Variants in RNF128 observed in about 807,000 individuals in gnomAD.
RNF128 encodes the protein E3 ubiquitin-protein ligase RNF128.
A neutral mutation model predicts 26.2 loss-of-function variants in RNF128; 13 were observed. That is an observed-to-expected ratio of 0.50 (90% CI 0.32 to 0.79). The LOEUF (loss-of-function observed/expected upper bound fraction) is 0.79, where lower values mean the gene tolerates loss of function less well. Ranked by LOEUF, RNF128 falls within the 30% of genes least tolerant of loss-of-function variation. The pLI is 0.03. For missense variants in RNF128, 315 were observed against 349.7 expected (o/e 0.90, Z 0.79); for synonymous variants, 149 against 142.5 (o/e 1.05, Z -0.32).
At chrX:106,696,180 C>T (rs181543033) in intron 1 of RNF128, among the ~76,000 whole-genome samples, 324 of 111,736 alleles carry the variant, frequency 2.9e-3, no homozygotes, top group African/African-American at 0.01. Context: ...ATGATCATAA[C>T]TGTGATAGTT....
intron 1 of RNF128, among the ~76,000 whole-genome samples, chrX:106,714,127 G>T (rs1288914580): frequency 9.5e-6 from 1 of 105,453 alleles, no homozygotes; most frequent in Non-Finnish European, 2.0e-5. Context: ...GCAGTGAGCC[G>T]AGATGGCATC....
intron 1 of RNF128, among the ~76,000 whole-genome samples, chrX:106,712,236 C>T (rs758590783): frequency 8.9e-6 from 1 of 112,157 alleles, no homozygotes; most frequent in Admixed American, 9.4e-5. Context: ...TTATCTGCTC[C>T]TTTGTATCAT....
At chrX:106,745,984 A>G (rs1321765256) in intron 1 of RNF128, among the ~76,000 whole-genome samples, 1 of 111,532 alleles carries the variant, frequency 9.0e-6, no homozygotes, top group Non-Finnish European at 1.9e-5. Context: ...GCTACTGTGG[A>G]CAAAATGAAT....
chrX:106,730,552 C>T (rs1044066354), intron 1 of RNF128, among the ~76,000 whole-genome samples: 2 of 112,146 alleles, frequency 1.8e-5, no homozygotes, highest in East Asian at 2.8e-4. Context: ...TAAGCATGTT[C>T]TCACTATTGC....
chrX:106,789,078 A>G (rs1930756447), intron 4 of RNF128, among the ~76,000 whole-genome samples: 1 of 85,615 alleles, frequency 1.2e-5, no homozygotes, highest in Non-Finnish European at 2.2e-5. Context: ...GTGTATATAT[A>G]CTATATAGTA....
In RNF128 at chrX:106,741,217, C is replaced by G. The variant is rs1159432374; in HGVS notation, c.484+13820C>G. 9.0e-5 allele frequency among the ~76,000 whole-genome samples: 10 copies of G among 111,525 alleles called. No homozygotes were observed. In the Admixed American group the frequency reaches 9.6e-4, roughly 11 times the overall value. On this transcript the variant is annotated intron_variant, in intron 1 of 6. Coordinates refer to ENST00000255499, the MANE Select transcript of RNF128 (RefSeq NM_194463.2). ...CAATAGCATATCTTATTTTTTTCCT[C>G]AGTATCAGCAGAAATTTAAGGTTTT...
chrX:106,752,930 A>C lies in RNF128; in HGVS notation c.485-19983A>C, dbSNP rs754530651. Among the ~76,000 whole-genome samples the C allele has an allele frequency of 2.4e-4, 27 of 111,552 alleles. 1 individual carries two copies. Among genetic ancestry groups the C allele is most frequent in the African/African-American group, 8.8e-4 (27 of 30,751 alleles). ...ATGCAATTGATATACCGAAGAATGCATCAGAGTCTTTCAACAGCAGAACTG... is the reference window on the plus strand; with the variant it reads ...ATGCAATTGATATACCGAAGAATGCCTCAGAGTCTTTCAACAGCAGAACTG... On this transcript the variant is annotated intron_variant, in intron 1 of 6. Transcript: ENST00000255499.
chrX:106,753,072 G>A (rs1445632761), intron 1 of RNF128, among the ~76,000 whole-genome samples: 3 of 111,173 alleles, frequency 2.7e-5, no homozygotes, highest in Admixed American at 9.6e-5. Context: ...CTAGAAAATA[G>A]CTTCAAAAGT....
At chrX:106,792,235 T>C (rs1052695581) in intron 6 of RNF128, among the ~76,000 whole-genome samples, 3 of 110,468 alleles carry the variant, frequency 2.7e-5, no homozygotes, top group Non-Finnish European at 5.7e-5. Context: ...CCCCAGATGA[T>C]CTTGTACTCT....
chrX:106,754,165 C>A (rs757074051), intron 1 of RNF128, among the ~76,000 whole-genome samples: 1 of 111,803 alleles, frequency 8.9e-6, no homozygotes, highest in African/African-American at 3.2e-5. Flanking sequence ...CTCTTTGGCA[C>A]GTGGATCATT....
chrX:106,738,765 T>C (rs1022227875), intron 1 of RNF128, among the ~76,000 whole-genome samples: 6 of 111,599 alleles, frequency 5.4e-5, no homozygotes, highest in African/African-American at 2.0e-4. Context: ...TCTTCTCCCA[T>C]AGAATGGGTA....
At chrX:106,754,269 G>A (rs1328059415) in intron 1 of RNF128, among the ~76,000 whole-genome samples, 1 of 108,789 alleles carries the variant, frequency 9.2e-6, no homozygotes, top group Non-Finnish European at 1.9e-5. Flanking sequence ...GCCCAGGCTG[G>A]AGTGTAGTGG....
chrX:106,696,897 G>T (rs1011003550), intron 1 of RNF128, among the ~76,000 whole-genome samples: 1 of 111,864 alleles, frequency 8.9e-6, no homozygotes, highest in Non-Finnish European at 1.9e-5. Context: ...CTACTAAGAG[G>T]GTGTTAAAAA....
At chrX:106,770,364 C>T (rs775987874) in intron 1 of RNF128, among the ~76,000 whole-genome samples, 20 of 111,865 alleles carry the variant, frequency 1.8e-4, no homozygotes, top group Non-Finnish European at 2.8e-4. Flanking sequence ...CCATTCTCCC[C>T]GTCACTTTCA....
At chrX:106,722,432 C>A (rs760059821), upstream of RNF128, among the ~76,000 whole-genome samples, 1 of 111,748 alleles carries the variant, frequency 8.9e-6, no homozygotes, top group Non-Finnish European at 1.9e-5. Flanking sequence ...TTCTAACCAG[C>A]TCCCTGATGA....
chrX:106,714,926 T>C (rs1204899049), intron 1 of RNF128, among the ~76,000 whole-genome samples: 2 of 112,313 alleles, frequency 1.8e-5, no homozygotes, highest in Non-Finnish European at 3.8e-5. Context: ...GGTATAGATG[T>C]ACCACAGTTT....
At chrX:106,788,439 T>C (rs1460022733) in intron 4 of RNF128, among the ~76,000 whole-genome samples, 1 of 44,851 alleles carries the variant, frequency 2.2e-5, no homozygotes, top group Non-Finnish European at 3.5e-5. Context: ...TATATAATAT[T>C]ATTATAATTA....
Position 106,748,222 on chromosome X carries a change from A to G in RNF128, c.484+20825A>G, listed in dbSNP as rs755461129. Among the ~76,000 whole-genome samples, 10 of 112,414 alleles carry G rather than the reference A, an allele frequency of 8.9e-5. 1 individual carries two copies. Among genetic ancestry groups the G allele is most frequent in the Admixed American group, 9.4e-5 (1 of 10,620 alleles). On this transcript the variant is annotated intron_variant, in intron 1 of 6. Coordinates refer to ENST00000255499, the MANE Select transcript of RNF128 (RefSeq NM_194463.2). The stretch of plus-strand genomic sequence containing the variant: ...CTTGTACAGGAATCTATGTATTAGC[A>G]TATCAACATTGGTTTTAAAGATCAG...
rs1928831888 is a variant in RNF128, at chrX:106,694,113, C to G, written c.111C>G (p.Tyr37Ter). The G allele has an allele frequency of 1.7e-6, 2 of 1,209,773 alleles. No homozygotes were observed. Among genetic ancestry groups the G allele is most frequent in the Non-Finnish European group, 2.2e-6 (2 of 894,220 alleles). Residue 37 changes from tyrosine to a stop codon, truncating the protein, a stop_gained, in exon 1 of 7, where the codon TAC (tyrosine) becomes TAG (stop). Transcript: ENST00000324342. LOFTEE classifies it high-confidence loss of function. ...GTGCCTATGTGACTGTGACTTATTA[C>G]AATGAAACCAGCAACTACACTGCAA...
Sources: gnomAD v4.1 joint callset for allele counts (sites outside exome capture counted in the v4.1 genomes callset) on GRCh38, gnomAD v4.1.1 for gene constraint, MANE v1.5 for transcripts, NCBI Gene and HGNC (gene_info 2026-07-23, HGNC 2026-07-21) for gene names.